PDZD2: variants seen among roughly 807,000 people sequenced by gnomAD.
PDZD2 encodes PDZ domain-containing protein 2.
In PDZD2, 90 loss-of-function variants were observed where a neutral mutation model predicts 220.7. That is an observed-to-expected ratio of 0.41 (90% CI 0.34 to 0.49). The LOEUF (loss-of-function observed/expected upper bound fraction) is 0.49. Among genes scored for constraint, PDZD2 ranks in the 20% least tolerant of loss-of-function variants. The probability of loss-of-function intolerance (pLI) is 0.28; values close to 1 mark genes in which losing one functional copy is unlikely to be tolerated. For missense variants in PDZD2, 3,174 were observed against 3,608.5 expected (o/e 0.88, Z 3.08); for synonymous variants, 1,375 against 1,450.5 (o/e 0.95, Z 1.18).
At chr5:32,060,535 G>A (rs1739569484) in intron 13 of PDZD2, among the ~76,000 whole-genome samples, 1 of 152,180 alleles carries the variant, frequency 6.6e-6, no homozygotes, top group Non-Finnish European at 1.5e-5. Context: ...AACTGCTGGT[G>A]GTCGAGGGGT....
chr5:31,896,206 T>G (rs1041158366), intron 2 of PDZD2, among the ~76,000 whole-genome samples: 28 of 152,114 alleles, frequency 1.8e-4, no homozygotes, highest in South Asian at 1.0e-3. Context: ...CATGTAACTG[T>G]GAGGTGGGGT....
At chr5:31,899,415 G>C (rs1741885136) in intron 2 of PDZD2, among the ~76,000 whole-genome samples, 2 of 152,164 alleles carry the variant, frequency 1.3e-5, no homozygotes, top group South Asian at 4.2e-4. Flanking sequence ...TTACAGGCAT[G>C]AGCCAGTGCG....
At chr5:31,855,092 C>T in intron 2 of PDZD2, 1 of 985,460 alleles carries the variant, frequency 1.0e-6, no homozygotes, top group Non-Finnish European at 1.2e-6. Flanking sequence ...GCGGATTACC[C>T]GGCGCCCAGC....
chr5:31,989,971 T>C (rs1213020870), intron 3 of PDZD2, among the ~76,000 whole-genome samples: 2 of 152,220 alleles, frequency 1.3e-5, no homozygotes, highest in Admixed American at 6.5e-5. Context: ...CTGCGGCCTT[T>C]CTCTGGCCTT....
At chr5:32,097,618 C>T (rs1033410216) in intron 22 of PDZD2, among the ~76,000 whole-genome samples, 1 of 152,156 alleles carries the variant, frequency 6.6e-6, no homozygotes, top group Non-Finnish European at 1.5e-5. Context: ...AAACACAATT[C>T]GCTATAGCCT....
At chr5:31,749,598 A>G (rs1226754139) in intron 1 of PDZD2, among the ~76,000 whole-genome samples, 1 of 151,848 alleles carries the variant, frequency 6.6e-6, no homozygotes, top group African/African-American at 2.4e-5. Context: ...TAATTTTTGT[A>G]TTTTCAGTAG....
intron 2 of PDZD2, among the ~76,000 whole-genome samples, chr5:31,917,796 G>A (rs756378305): frequency 1.6e-4 from 24 of 152,170 alleles, no homozygotes; most frequent in Admixed American, 4.6e-4. Context: ...AGGCTGGAGT[G>A]CAATGGCGCG....
intron 1 of PDZD2, among the ~76,000 whole-genome samples, chr5:31,753,845 GATAA>G (rs1343982350): frequency 6.6e-6 from 1 of 152,186 alleles, no homozygotes; most frequent in Non-Finnish European, 1.5e-5. Flanking sequence ...CGCTGAGGAA[GATAA>G]ATAAACTTAT....
intron 2 of PDZD2, among the ~76,000 whole-genome samples, chr5:31,878,603 A>G (rs1189534777): frequency 9.7e-6 from 1 of 103,272 alleles, no homozygotes; most frequent in Non-Finnish European, 1.8e-5. Context: ...GCTGTCGCCC[A>G]GGCTGGAGTG....
intron 2 of PDZD2, among the ~76,000 whole-genome samples, chr5:31,973,258 A>G (rs1246612861): frequency 6.6e-6 from 1 of 152,246 alleles, no homozygotes; most frequent in Admixed American, 6.5e-5. Flanking sequence ...TGTGCAGTGC[A>G]TCATATTGGT....
chr5:31,846,464 A>G (rs190143336), intron 2 of PDZD2, among the ~76,000 whole-genome samples: 450 of 152,308 alleles, frequency 3.0e-3, no homozygotes, highest in Non-Finnish European at 5.4e-3. Context: ...CATCTTCCCA[A>G]CAGAGCTGCG....
chr5:32,087,929 A>C lies in PDZD2; in HGVS notation c.4481A>C (p.Tyr1494Ser). The stretch of plus-strand genomic sequence containing the variant: ...GCCTGGGCTGCTGGTGCCCCCGCCT[A>C]CCCACAATGGGCCTCCCAGCCTTCG... ...RRAWAAGAPAYPQWASQPSVL... is the reference protein window; with the variant it reads ...RRAWAAGAPASPQWASQPSVL... Residue 1494 changes from tyrosine (Y) to serine (S), a missense_variant, in exon 20 of 25, where the codon TAC becomes TCC. This residue lies in a region of PDZD2 where 1,861 missense variants were observed against 2,001.0 expected (regional missense o/e 0.93). Coordinates refer to ENST00000438447, the MANE Select transcript of PDZD2 (RefSeq NM_178140.4). This position sits in a 1 kb window ranked among gnomAD's most constrained non-coding sequence, Gnocchi z 4.0. The C allele has an allele frequency of 6.2e-7, 1 of 1,613,860 alleles. No homozygotes were observed.
intron 1 of PDZD2, among the ~76,000 whole-genome samples, chr5:31,785,429 T>C (rs1207760360): frequency 2.0e-5 from 3 of 148,072 alleles, no homozygotes; most frequent in South Asian, 2.1e-4. Flanking sequence ...ATATATTATA[T>C]ATATATACAT....
intron 2 of PDZD2, among the ~76,000 whole-genome samples, chr5:31,802,260 C>G (rs905191647): frequency 6.6e-6 from 1 of 152,116 alleles, no homozygotes; most frequent in Non-Finnish European, 1.5e-5. Context: ...TGCTAAAATA[C>G]TAGGGGTGAA....
chr5:31,905,969 G>T (rs1742602050), intron 2 of PDZD2, among the ~76,000 whole-genome samples: 1 of 151,280 alleles, frequency 6.6e-6, no homozygotes, highest in Non-Finnish European at 1.5e-5. Context: ...TTAAGTGTGT[G>T]TATGTGTTGC....
At chr5:31,885,167 A>G (rs1283426961) in intron 2 of PDZD2, among the ~76,000 whole-genome samples, 3 of 151,730 alleles carry the variant, frequency 2.0e-5, no homozygotes, top group Non-Finnish European at 2.9e-5. Context: ...GCAAAAAAAA[A>G]AAAAAAGAAA....
chr5:31,822,713 C>T (rs892236172), intron 2 of PDZD2: 7 of 1,276,440 alleles, frequency 5.5e-6, no homozygotes, highest in Non-Finnish European at 7.6e-6. Context: ...ATTAATTCAT[C>T]TTTCTGAGTT....
At chr5:31,805,768 T>G (rs891027) in intron 2 of PDZD2, among the ~76,000 whole-genome samples, 83,070 of 152,062 alleles carry the variant, frequency 0.55, 22,871 homozygotes, top group East Asian at 0.59. Context: ...ATTGCAGGAA[T>G]AATTAGTTAA....
intron 5 of PDZD2, among the ~76,000 whole-genome samples, chr5:32,006,587 G>A (rs2112052861): frequency 6.6e-6 from 1 of 151,720 alleles, no homozygotes; most frequent in Middle Eastern, 3.5e-3. Flanking sequence ...GTGTTGCTCA[G>A]GCTGGTCTCA....
Sources: gnomAD v4.1 joint callset for allele counts (sites outside exome capture counted in the v4.1 genomes callset) on GRCh38, gnomAD v4.1.1 for gene constraint, gnomAD v4.1.1 regional missense constraint, Gnocchi (gnomAD v3.1) non-coding constraint, MANE v1.5 for transcripts, NCBI Gene and HGNC (gene_info 2026-07-23, HGNC 2026-07-21) for gene names.